Variants in EDARADD observed in about 807,000 individuals in gnomAD.
EDARADD encodes the protein EDAR associated via death domain.
EDARADD carries 20 observed loss-of-function variants against 25.6 expected under a neutral mutation model. The ratio of observed to expected loss-of-function variants is 0.78; its 90% CI spans 0.55 to 1.14. The LOEUF is 1.14. Ranked by LOEUF, EDARADD falls within the 50% of genes most tolerant of loss-of-function variation. EDARADD has a pLI of 0.00. For missense variants in EDARADD, 225 were observed against 270.1 expected (o/e 0.83, Z 1.17); for synonymous variants, 86 against 94.4 (o/e 0.91, Z 0.52).
chr1:236,381,661 C>T (rs1302443520), intron 3 of EDARADD, among the ~76,000 whole-genome samples: 1 of 151,820 alleles, frequency 6.6e-6, no homozygotes, highest in East Asian at 1.9e-4. Context: ...TACCTGTAAT[C>T]CCAGACATAT....
rs981777851 is a variant in EDARADD, at chr1:236,450,032, C to T, written c.220-18199C>T. 2.7e-5 allele frequency among the ~76,000 whole-genome samples: 4 copies of T among 150,890 alleles called. 1 individual carries two copies. Among genetic ancestry groups the T allele is most frequent in the Non-Finnish European group, 5.9e-5 (4 of 67,846 alleles). ...ATGAGAATCCCTTGAACCCGGGAGG[C>T]GGAGGTTGCAGTGAGCCGAGATTAC... On this transcript the variant is annotated intron_variant, in intron 4 of 5. Coordinates refer to ENST00000334232, the MANE Select transcript of EDARADD (RefSeq NM_145861.4).
rs553556420 is a variant in EDARADD at position 236,411,844 on chromosome 1, C to A, written c.121-2416C>A. Among the ~76,000 whole-genome samples, 99 of 152,286 alleles carry A rather than the reference C, an allele frequency of 6.5e-4. 1 individual carries two copies. Among genetic ancestry groups the A allele is most frequent in the African/African-American group, 2.4e-3 (98 of 41,566 alleles). ...GGGATTACAGGCGTGAGCCACCATG[C>A]CTGGCCCTCGTCTCTTCTTTTAAAG... On this transcript the variant is annotated intron_variant, in intron 2 of 5. Coordinates refer to ENST00000334232, the MANE Select transcript of EDARADD (RefSeq NM_145861.4).
chr1:236,434,503 G>T (rs1386201245), intron 4 of EDARADD, among the ~76,000 whole-genome samples: 2 of 152,226 alleles, frequency 1.3e-5, no homozygotes, highest in Admixed American at 1.3e-4. Context: ...GCCTCCCAAA[G>T]TGTTAGGATT....
chr1:236,355,281 A>G (rs1666960227), intron 3 of EDARADD, among the ~76,000 whole-genome samples: 1 of 151,900 alleles, frequency 6.6e-6, no homozygotes, highest in Non-Finnish European at 1.5e-5. Flanking sequence ...CCACTTGTGT[A>G]TTTTTCAAAG....
intron 4 of EDARADD, among the ~76,000 whole-genome samples, chr1:236,462,517 C>G (rs956991129): frequency 6.6e-6 from 1 of 152,070 alleles, no homozygotes; most frequent in African/African-American, 2.4e-5. Context: ...TCCATTCCCC[C>G]GTGGGCTGCA....
At chr1:236,434,275 TC>T (rs1658183347) in intron 4 of EDARADD, among the ~76,000 whole-genome samples, 1 of 152,014 alleles carries the variant, frequency 6.6e-6, no homozygotes, top group Non-Finnish European at 1.5e-5. Context: ...TCTTGCTCTG[TC>T]TCCCAGGCTG....
intron 4 of EDARADD, among the ~76,000 whole-genome samples, chr1:236,450,747 C>T (rs1439622816): frequency 6.6e-6 from 1 of 152,136 alleles, no homozygotes; most frequent in African/African-American, 2.4e-5. Flanking sequence ...CGGGGTTTCA[C>T]CATGTTGGCC....
intron 3 of EDARADD, among the ~76,000 whole-genome samples, chr1:236,351,833 G>C (rs560346734): frequency 1.3e-5 from 2 of 152,206 alleles, no homozygotes; most frequent in East Asian, 3.9e-4. Flanking sequence ...ACACAAGGGG[G>C]TTTGGGGGTG....
intron 3 of EDARADD, among the ~76,000 whole-genome samples, chr1:236,426,601 A>G (rs1657925057): frequency 6.6e-6 from 1 of 152,136 alleles, no homozygotes; most frequent in South Asian, 2.1e-4. Context: ...GGAAACTGAA[A>G]CCCACTACCC....
rs189240801 is a variant in EDARADD at position 236,458,880 on chromosome 1, G to A, written c.220-9351G>A. Reference sequence around the variant, plus strand: ...CTGGTTTGAACTCCTGAGCTCAGGCGATCTGCCTGCTTCAGCCTCCCAAAA... The same window carrying A: ...CTGGTTTGAACTCCTGAGCTCAGGCAATCTGCCTGCTTCAGCCTCCCAAAA... On this transcript the variant is annotated intron_variant, in intron 4 of 5. Transcript: ENST00000334232. Among the ~76,000 whole-genome samples, 59 of 152,046 alleles carry A rather than the reference G, an allele frequency of 3.9e-4. 1 individual carries two copies. The East Asian group carries it at 9.8e-3, about 25-fold the overall frequency.
rs529416761 is a variant in EDARADD at position 236,483,345 on chromosome 1, G to A, written c.*696G>A. 3 of 1,581,736 alleles carry A rather than the reference G, an allele frequency of 1.9e-6. No individual in the cohort carries two copies. In the South Asian group the frequency reaches 3.3e-5, roughly 17 times the overall value. ...TGATAAGACTCGCTATATGGGGAAG[G>A]GTGTCTCAAAGCCTGTTGAGCCCAT... On this transcript the variant is annotated 3_prime_UTR_variant, in exon 6 of 6. Transcript: ENST00000334232.
intron 1 of EDARADD, among the ~76,000 whole-genome samples, chr1:236,404,774 G>A (rs1667677374): frequency 6.6e-6 from 1 of 152,036 alleles, no homozygotes; most frequent in South Asian, 2.1e-4. Flanking sequence ...CGGCACTCCA[G>A]CCTGGGTGAC....
chr1:236,478,039 G>A (rs1033385518), intron 5 of EDARADD, among the ~76,000 whole-genome samples: 2 of 152,062 alleles, frequency 1.3e-5, no homozygotes, highest in Non-Finnish European at 2.9e-5. Flanking sequence ...AGAGGCGGAG[G>A]TTGCTGTGAG....
At chr1:236,437,231 G>A (rs1288084502) in intron 4 of EDARADD, among the ~76,000 whole-genome samples, 1 of 152,224 alleles carries the variant, frequency 6.6e-6, no homozygotes, top group Non-Finnish European at 1.5e-5. Context: ...CGACAGGTAA[G>A]CTTAGTTGAA....
chr1:236,427,957 T>A (rs558304415), intron 4 of EDARADD, among the ~76,000 whole-genome samples: 40 of 107,102 alleles, frequency 3.7e-4, no homozygotes, highest in Middle Eastern at 4.3e-3. Context: ...TTTTTTAATT[T>A]ATTTATTTTA....
chr1:236,430,241 A>G (rs1049422024), intron 4 of EDARADD, among the ~76,000 whole-genome samples: 1 of 152,218 alleles, frequency 6.6e-6, no homozygotes, highest in African/African-American at 2.4e-5. Context: ...ATTATAATCT[A>G]ATAATGGGCT....
intron 3 of EDARADD, among the ~76,000 whole-genome samples, chr1:236,377,826 C>T (rs1667244139): frequency 6.6e-6 from 1 of 151,720 alleles, no homozygotes; most frequent in East Asian, 1.9e-4. Flanking sequence ...CCACTGCACT[C>T]CAGCCTCACG....
chr1:236,449,518 A>G (rs1370487979), intron 4 of EDARADD, among the ~76,000 whole-genome samples: 2 of 152,128 alleles, frequency 1.3e-5, no homozygotes, highest in African/African-American at 4.8e-5. Flanking sequence ...GATGGTTTCC[A>G]TTCTCCTCTG....
At chr1:236,439,743 A>G (rs945149181) in intron 4 of EDARADD, among the ~76,000 whole-genome samples, 1 of 152,212 alleles carries the variant, frequency 6.6e-6, no homozygotes, top group Non-Finnish European at 1.5e-5. Context: ...ATTTCAGATA[A>G]CAGTCCTTTA....
Sources: allele counts gnomAD v4.1 joint callset (sites outside exome capture counted in the v4.1 genomes callset), GRCh38; gene constraint gnomAD v4.1.1; transcripts MANE v1.5; gene names NCBI Gene and HGNC (gene_info 2026-07-23, HGNC 2026-07-21).